The following IMPG2 variants were observed in gnomAD, a reference collection of about 807,000 sequenced individuals.
IMPG2 encodes interphotoreceptor matrix proteoglycan 2.
A neutral mutation model predicts 129.2 loss-of-function variants in IMPG2; 91 were observed. The observed-to-expected ratio is 0.70, with a 90% CI of 0.59 to 0.84. The LOEUF (loss-of-function observed/expected upper bound fraction) is 0.84. Ranked by LOEUF, IMPG2 falls within the 40% of genes least tolerant of loss-of-function variation. IMPG2 has a pLI of 0.00. For synonymous variants in IMPG2, 510 were observed against 517.7 expected, an observed-to-expected ratio of 0.99 and a Z score of 0.20; for missense variants, 1,430 against 1,461.7, an observed-to-expected ratio of 0.98 and a Z score of 0.35.
intron 5 of IMPG2, 51 bp from the exon 6 acceptor site, chr3:101,275,796 A>G: frequency 7.7e-7 from 1 of 1,305,328 alleles, no homozygotes; most frequent in Non-Finnish European, 1.1e-6. Flanking sequence ...CGATTAAGTC[A>G]GAATTCCTAT....
At chr3:101,280,373 A>G (rs1468194321) in intron 4 of IMPG2, among the ~76,000 whole-genome samples, 1 of 152,228 alleles carries the variant, frequency 6.6e-6, no homozygotes, top group Non-Finnish European at 1.5e-5. Flanking sequence ...AAGAACTCAA[A>G]GAAAGGAGTT....
intron 2 of IMPG2, among the ~76,000 whole-genome samples, chr3:101,318,788 T>C (rs1372179288): frequency 6.6e-6 from 1 of 152,144 alleles, no homozygotes; most frequent in African/African-American, 2.4e-5. Context: ...AAAGCAAAGT[T>C]TGGGAATCCT....
rs74419572 is a variant in IMPG2, at chr3:101,292,973, G to A, written c.502-1463C>T. Reference sequence around the variant, plus strand: ...CCTCATCTTCAGGCTGTACTTCTACGTCTAGTTCTCTTGCTATTTCCACCA... The same window carrying A: ...CCTCATCTTCAGGCTGTACTTCTACATCTAGTTCTCTTGCTATTTCCACCA... On this transcript the variant is annotated intron_variant, in intron 3 of 18. Coordinates refer to ENST00000193391, the MANE Select transcript of IMPG2 (RefSeq NM_016247.4). Among the ~76,000 whole-genome samples, 918 of 152,232 alleles carry A rather than the reference G, an allele frequency of 6.0e-3. 10 individuals carry two copies. Among genetic ancestry groups the A allele is most frequent in the African/African-American group, 0.021 (881 of 41,536 alleles).
chr3:101,280,854 CA>C (rs1349183546), intron 4 of IMPG2, among the ~76,000 whole-genome samples: 1 of 151,820 alleles, frequency 6.6e-6, no homozygotes, highest in East Asian at 1.9e-4. Context: ...GAGGCTGAGG[CA>C]GGAGAATCGC....
At chr3:101,252,311 C>T (rs1443226789) in intron 11 of IMPG2, among the ~76,000 whole-genome samples, 1 of 152,150 alleles carries the variant, frequency 6.6e-6, no homozygotes, top group Non-Finnish European at 1.5e-5. Context: ...CAGCTAGTCT[C>T]CAGTTTGCAG....
intron 4 of IMPG2, among the ~76,000 whole-genome samples, chr3:101,289,085 G>C (rs1706977323): frequency 6.6e-6 from 1 of 152,164 alleles, no homozygotes; most frequent in South Asian, 2.1e-4. Context: ...AAATGAGTAA[G>C]ATACTTTTTT....
At chr3:101,283,443 A>C (rs1042991843) in intron 4 of IMPG2, among the ~76,000 whole-genome samples, 2 of 152,170 alleles carry the variant, frequency 1.3e-5, no homozygotes, top group African/African-American at 4.8e-5. Context: ...AATTTTTAGG[A>C]AATAATATAT....
chr3:101,227,964 T>C lies in IMPG2; in HGVS notation c.3713+833A>G, dbSNP rs551575443. Reference sequence around the variant, plus strand: ...AATTTCTCTTATAAGCATGCATGAATTGCTCTGATTTTTCTCTTCTAAAAG... The same window carrying C: ...AATTTCTCTTATAAGCATGCATGAACTGCTCTGATTTTTCTCTTCTAAAAG... On this transcript the variant is annotated intron_variant, in intron 18 of 18. Transcript: ENST00000193391. The C allele has an allele frequency of 5.2e-5, 21 of 402,110 alleles. No homozygotes were observed. The East Asian group carries it at 1.5e-3, about 29-fold the overall frequency. The allele number at this position is 402,110 out of a possible 1,614,324, so 24.9% of individuals were successfully genotyped here.
At chr3:101,293,390 A>G (rs1456548152) in intron 3 of IMPG2, among the ~76,000 whole-genome samples, 4 of 151,154 alleles carry the variant, frequency 2.6e-5, no homozygotes, top group Non-Finnish European at 4.4e-5. Context: ...TGATACTTGG[A>G]AAAAAAAAAT....
chr3:101,237,198 A>G (rs1706356569), intron 14 of IMPG2, among the ~76,000 whole-genome samples: 1 of 152,204 alleles, frequency 6.6e-6, no homozygotes, highest in Non-Finnish European at 1.5e-5. Flanking sequence ...CATCTCTGAA[A>G]GAATGGCAGC....
chr3:101,280,838 AC>A (rs1399640155), intron 4 of IMPG2, among the ~76,000 whole-genome samples: 1 of 151,978 alleles, frequency 6.6e-6, no homozygotes, highest in Non-Finnish European at 1.5e-5. Flanking sequence ...AATCCCAGCT[AC>A]TCGGGAGGCT....
intron 2 of IMPG2, among the ~76,000 whole-genome samples, chr3:101,318,603 G>T (rs952749453): frequency 6.6e-6 from 1 of 152,070 alleles, no homozygotes; most frequent in African/African-American, 2.4e-5. Context: ...CAGACAGAAG[G>T]TTCATATAAT....
At chr3:101,238,815 C>T (rs1214204581) in intron 14 of IMPG2, among the ~76,000 whole-genome samples, 3 of 152,162 alleles carry the variant, frequency 2.0e-5, no homozygotes, top group Non-Finnish European at 2.9e-5. Context: ...CATCTACTAA[C>T]GGGCAAAATA....
At chr3:101,310,929 T>G (rs1247351296) in intron 2 of IMPG2, among the ~76,000 whole-genome samples, 1 of 152,164 alleles carries the variant, frequency 6.6e-6, no homozygotes, top group African/African-American at 2.4e-5. Context: ...AGTTCAATGC[T>G]TTGTCTAAAA....
chr3:101,234,290 G>T (rs1706322904), intron 14 of IMPG2, among the ~76,000 whole-genome samples: 1 of 151,660 alleles, frequency 6.6e-6, no homozygotes, highest in Non-Finnish European at 1.5e-5. Context: ...GCAGATATTA[G>T]AGTGATACAC....
At chr3:101,303,089 A>G (rs545542510) in intron 3 of IMPG2, among the ~76,000 whole-genome samples, 3 of 152,316 alleles carry the variant, frequency 2.0e-5, no homozygotes, top group South Asian at 2.1e-4. Flanking sequence ...AGTGTTATTC[A>G]GTCAATAATT....
chr3:101,317,378 T>C (rs2058791291), intron 2 of IMPG2, among the ~76,000 whole-genome samples: 1 of 152,164 alleles, frequency 6.6e-6, no homozygotes, highest in Non-Finnish European at 1.5e-5. Flanking sequence ...GAAACACTTT[T>C]CAAATTTGTT....
intron 2 of IMPG2, among the ~76,000 whole-genome samples, chr3:101,308,179 T>A (rs1303913351): frequency 6.6e-6 from 1 of 152,174 alleles, no homozygotes; most frequent in African/African-American, 2.4e-5. Context: ...CTTTTTCAGG[T>A]GCATGGTGCA....
At chr3:101,304,008 G>C in intron 3 of IMPG2, 138 bp downstream of exon 3, 1 of 825,946 alleles carries the variant, frequency 1.2e-6, no homozygotes, top group East Asian at 2.5e-5. Flanking sequence ...CCACACCCTA[G>C]GGCAGCTTAC....
Sources: allele counts gnomAD v4.1 joint callset (sites outside exome capture counted in the v4.1 genomes callset), GRCh38; gene constraint gnomAD v4.1.1; transcripts MANE v1.5; gene names NCBI Gene and HGNC (gene_info 2026-07-23, HGNC 2026-07-21).